RBFOX1: variants seen among roughly 807,000 people sequenced by gnomAD.
RBFOX1 encodes RNA binding protein fox-1 homolog 1.
RBFOX1 carries 8 observed loss-of-function variants against 57.7 expected under a neutral mutation model. That is an observed-to-expected ratio of 0.14 (90% CI 0.08 to 0.25). The LOEUF (loss-of-function observed/expected upper bound fraction) is 0.25. Among genes scored for constraint, RBFOX1 ranks in the 10% least tolerant of loss-of-function variants. The pLI is 1.00. For synonymous variants in RBFOX1, 326 were observed against 222.4 expected (o/e 1.47, Z -4.15); for missense variants, 611 against 548.5 (o/e 1.11, Z -1.14).
chr16:6,637,262 CA>C (rs546218950), intron 2 of RBFOX1, among the ~76,000 whole-genome samples: 536 of 38,230 alleles, frequency 0.014, 84 homozygotes, highest in African/African-American at 0.045. Context: ...ATATAATATA[CA>C]AATATATATT....
chr16:6,588,390 C>T (rs547120508), intron 2 of RBFOX1, among the ~76,000 whole-genome samples: 18 of 152,170 alleles, frequency 1.2e-4, no homozygotes, highest in East Asian at 3.9e-4. Context: ...CGATGGCTCA[C>T]GCCTGTAATC....
At chr16:5,865,448 C>A (rs2057323543) in intron 3 of RBFOX1, among the ~76,000 whole-genome samples, 1 of 152,156 alleles carries the variant, frequency 6.6e-6, no homozygotes, top group South Asian at 2.1e-4. Context: ...AAGCCTTCAG[C>A]CACAGCTCAT....
intron 4 of RBFOX1, among the ~76,000 whole-genome samples, chr16:7,348,671 G>A (rs73565810): frequency 0.098 from 14,896 of 152,298 alleles, 820 homozygotes; most frequent in Middle Eastern, 0.11. Flanking sequence ...GCCGGTTGCC[G>A]TGGCTCACGC....
chr16:6,858,575 A>G (rs2058334231), intron 3 of RBFOX1, among the ~76,000 whole-genome samples: 1 of 152,152 alleles, frequency 6.6e-6, no homozygotes, highest in Non-Finnish European at 1.5e-5. Flanking sequence ...TTAAAATAGC[A>G]GAGTTTTCTG....
chr16:6,336,432 T>C (rs970765754), intron 2 of RBFOX1, among the ~76,000 whole-genome samples: 1 of 151,834 alleles, frequency 6.6e-6, no homozygotes, highest in African/African-American at 2.4e-5. Context: ...GGGGACCCTA[T>C]GGCTCTGAGA....
rs200549622 is a variant in RBFOX1, at chr16:5,455,031, CTG to C, written c.220-12183_220-12182del. ...TCTTTCTTTCTTTCTTTCTCTCTCT[CTG>C]TCTGTCTCTCTTTCTTTCTTTCTCT... On this transcript the variant is annotated intron_variant, in intron 1 of 2. Transcript: ENST00000585867. Among the ~76,000 whole-genome samples the C allele has an allele frequency of 9.7e-3, 869 of 89,634 alleles. 16 individuals carry two copies. The highest frequency in any genetic ancestry group is 0.021 in the African/African-American group (614 of 28,966). 58.8% of individuals were successfully genotyped at this position (89,634 alleles called of 152,430 possible).
chr16:7,549,941 T>A (rs1031814874), intron 5 of RBFOX1, among the ~76,000 whole-genome samples: 5 of 152,128 alleles, frequency 3.3e-5, no homozygotes, highest in African/African-American at 1.2e-4. Flanking sequence ...TTTCTTTTAT[T>A]TTTTTAGAGA....
intron 4 of RBFOX1, among the ~76,000 whole-genome samples, chr16:7,270,782 A>G (rs1025630287): frequency 2.6e-5 from 4 of 152,148 alleles, no homozygotes; most frequent in African/African-American, 9.7e-5. Flanking sequence ...TTAGCTGGCT[A>G]GCTCTCTTCT....
rs571733355 is a variant in RBFOX1, at chr16:5,654,699, T to C, written c.318+55738T>C. Among the ~76,000 whole-genome samples the C allele has an allele frequency of 2.6e-5, 4 of 152,278 alleles. No individual in the cohort carries two copies. In the East Asian group the frequency reaches 7.7e-4, roughly 29 times the overall value. On this transcript the variant is annotated intron_variant, in intron 3 of 19. Transcript: ENST00000641259. ...CGAGACTGACCAAGTCTGGGTCCTG[T>C]GGATCCTACTGCCTGGTGTGATGTG...
intron 4 of RBFOX1, among the ~76,000 whole-genome samples, chr16:7,244,312 A>G (rs2094200162): frequency 6.7e-6 from 1 of 150,190 alleles, no homozygotes; most frequent in Non-Finnish European, 1.5e-5. Flanking sequence ...AGTCCTTGAG[A>G]TTATCTTGAT....
At chr16:5,649,960 A>C (rs946649638) in intron 3 of RBFOX1, among the ~76,000 whole-genome samples, 3 of 152,198 alleles carry the variant, frequency 2.0e-5, no homozygotes, top group African/African-American at 7.2e-5. Flanking sequence ...CCGGTGGAAC[A>C]CGCGGGGAGG....
chr16:5,349,081 T>C (rs2065205260), intron 1 of RBFOX1, among the ~76,000 whole-genome samples: 1 of 152,212 alleles, frequency 6.6e-6, no homozygotes, highest in Non-Finnish European at 1.5e-5. Context: ...TCAGCCGTTG[T>C]TATCTGCAAT....
At chr16:7,241,454 C>G (rs1470640631) in intron 4 of RBFOX1, among the ~76,000 whole-genome samples, 1 of 151,974 alleles carries the variant, frequency 6.6e-6, no homozygotes, top group Non-Finnish European at 1.5e-5. Context: ...TTAATTAAAC[C>G]CTTTGGTTCA....
At chr16:7,361,402 G>A (rs917755433) in intron 4 of RBFOX1, among the ~76,000 whole-genome samples, 1 of 152,192 alleles carries the variant, frequency 6.6e-6, no homozygotes, top group Non-Finnish European at 1.5e-5. Flanking sequence ...TTGCATCAAA[G>A]AACGAGGCTG....
chr16:7,508,316 G>A (rs570131381), intron 4 of RBFOX1, among the ~76,000 whole-genome samples: 1 of 152,224 alleles, frequency 6.6e-6, no homozygotes, highest in African/African-American at 2.4e-5. Flanking sequence ...TATTTTCTGC[G>A]TTATTCCCTA....
chr16:7,522,228 C>T (rs1450044811), intron 5 of RBFOX1, among the ~76,000 whole-genome samples: 1 of 152,158 alleles, frequency 6.6e-6, no homozygotes, highest in Non-Finnish European at 1.5e-5. Flanking sequence ...CATGGTGAAC[C>T]TTTTGTACAA....
At chr16:7,469,002 C>T (rs575513010) in intron 4 of RBFOX1, among the ~76,000 whole-genome samples, 4 of 152,006 alleles carry the variant, frequency 2.6e-5, no homozygotes, top group Admixed American at 1.3e-4. Flanking sequence ...GTTGCCATCT[C>T]GGCTCGCTGC....
At chr16:7,227,838 T>A (rs2093244818) in intron 4 of RBFOX1, among the ~76,000 whole-genome samples, 1 of 152,212 alleles carries the variant, frequency 6.6e-6, no homozygotes. Context: ...CCCACGGTGA[T>A]GATGACTTCT....
At chr16:7,195,797 C>T (rs111371576) in intron 4 of RBFOX1, among the ~76,000 whole-genome samples, 1 of 152,302 alleles carries the variant, frequency 6.6e-6, no homozygotes, top group African/African-American at 2.4e-5. Context: ...AGGTAATCTG[C>T]CTGCCTCTGC....
Sources: allele counts gnomAD v4.1 joint callset (sites outside exome capture counted in the v4.1 genomes callset), GRCh38; gene constraint gnomAD v4.1.1; transcripts MANE v1.5; gene names NCBI Gene and HGNC (gene_info 2026-07-23, HGNC 2026-07-21).